Variants in HEMK2 observed in about 807,000 individuals in gnomAD.
HEMK2 encodes HemK methyltransferase 2, ETF1 glutamine and histone H4 lysine.
At chr21:28,592,352 T>G in the HEMK2 span, among the ~76,000 whole-genome samples, 7 of 152,212 alleles carry the variant, frequency 4.6e-5, no homozygotes, top group Non-Finnish European at 1.0e-4. Flanking sequence ...GTGCAGTCAT[T>G]GACCAATGGA....
chr21:28,830,493 C>G, the HEMK2 span, among the ~76,000 whole-genome samples: 1 of 152,146 alleles, frequency 6.6e-6, no homozygotes, highest in African/African-American at 2.4e-5. Context: ...AAACCTCTTT[C>G]TTCATAAATT....
chr21:28,585,539 A>T, the HEMK2 span, among the ~76,000 whole-genome samples: 1 of 152,010 alleles, frequency 6.6e-6, no homozygotes, highest in East Asian at 1.9e-4. Flanking sequence ...AAAAATGACA[A>T]GGCAGACTTT....
At chr21:28,796,274 G>C in the HEMK2 span, among the ~76,000 whole-genome samples, 1 of 152,166 alleles carries the variant, frequency 6.6e-6, no homozygotes, top group East Asian at 1.9e-4. Context: ...GAGTAGCTGG[G>C]ATTTATAGGT....
At chr21:28,848,716 T>C in the HEMK2 span, among the ~76,000 whole-genome samples, 1 of 152,264 alleles carries the variant, frequency 6.6e-6, no homozygotes, top group African/African-American at 2.4e-5. Flanking sequence ...TATAACAGAT[T>C]ATGTTTATAA....
the HEMK2 span, among the ~76,000 whole-genome samples, chr21:28,772,785 T>C: frequency 6.6e-6 from 1 of 152,156 alleles, no homozygotes; most frequent in South Asian, 2.1e-4. Context: ...CTCCCAACCA[T>C]ATTGCTTCTG....
chr21:28,762,658 T>C, the HEMK2 span, among the ~76,000 whole-genome samples: 2 of 152,160 alleles, frequency 1.3e-5, no homozygotes, highest in African/African-American at 4.8e-5. Context: ...ATAATGTTGC[T>C]ATCACTGCAG....
the HEMK2 span, among the ~76,000 whole-genome samples, chr21:28,676,434 T>C: frequency 6.6e-6 from 1 of 152,180 alleles, no homozygotes; most frequent in Non-Finnish European, 1.5e-5. Context: ...CTTTCTGAGG[T>C]ACCAGGGGGT....
chr21:28,714,604 G>C, the HEMK2 span, among the ~76,000 whole-genome samples: 1 of 152,204 alleles, frequency 6.6e-6, no homozygotes, highest in Non-Finnish European at 1.5e-5. Flanking sequence ...CTGTGACAAA[G>C]AGTTGACTAA....
chr21:28,718,779 A>G, the HEMK2 span, among the ~76,000 whole-genome samples: 1 of 152,208 alleles, frequency 6.6e-6, no homozygotes, highest in African/African-American at 2.4e-5. Flanking sequence ...TGTTTCAAAC[A>G]AAGAAAATTG....
the HEMK2 span, among the ~76,000 whole-genome samples, chr21:28,783,749 T>A: frequency 6.6e-6 from 1 of 151,412 alleles, no homozygotes. Flanking sequence ...TGTGGGGAGG[T>A]GTAGAGGGAG....
At chr21:28,774,598 G>GA in the HEMK2 span, among the ~76,000 whole-genome samples, 1 of 150,534 alleles carries the variant, frequency 6.6e-6, no homozygotes, top group South Asian at 2.1e-4. Flanking sequence ...TAAAAAAAAA[G>GA]AAAAAAGAAA....
chr21:28,759,780 G>C, the HEMK2 span, among the ~76,000 whole-genome samples: 2 of 152,092 alleles, frequency 1.3e-5, no homozygotes, highest in East Asian at 1.9e-4. Context: ...ATTCTCTCTT[G>C]TCTGCCACCA....
At chr21:28,782,231 C>T in the HEMK2 span, among the ~76,000 whole-genome samples, 1 of 152,130 alleles carries the variant, frequency 6.6e-6, no homozygotes, top group Non-Finnish European at 1.5e-5. Context: ...TTAGTTGACA[C>T]ATACAGAACA....
At chr21:28,745,902 T>C in the HEMK2 span, among the ~76,000 whole-genome samples, 10 of 152,202 alleles carry the variant, frequency 6.6e-5, no homozygotes, top group African/African-American at 2.4e-4. Flanking sequence ...ACGATTTCAG[T>C]AACCGCAGAT....
the HEMK2 span, among the ~76,000 whole-genome samples, chr21:28,757,084 C>T: frequency 6.6e-6 from 1 of 152,120 alleles, no homozygotes; most frequent in East Asian, 1.9e-4. Flanking sequence ...CAGCAAATGT[C>T]TATTAAATAT....
At chr21:28,739,025 G>GA in the HEMK2 span, among the ~76,000 whole-genome samples, 4 of 152,176 alleles carry the variant, frequency 2.6e-5, no homozygotes, top group East Asian at 3.9e-4. Context: ...AAACCACAGT[G>GA]AAAAAAATAT....
At chr21:28,591,255 A>C in the HEMK2 span, among the ~76,000 whole-genome samples, 7 of 152,356 alleles carry the variant, frequency 4.6e-5, no homozygotes, top group East Asian at 1.9e-4. Context: ...GGCTAACAGC[A>C]GTGAACAGAC....
chr21:28,878,135 T>C, the HEMK2 span: 1 of 1,420,440 alleles, frequency 7.0e-7, no homozygotes, highest in Non-Finnish European at 9.5e-7. Flanking sequence ...CATTTTACAT[T>C]ATTAACTTTT....
chr21:28,578,347 T>C, the HEMK2 span, among the ~76,000 whole-genome samples: 1 of 152,198 alleles, frequency 6.6e-6, no homozygotes, highest in African/African-American at 2.4e-5. Context: ...CATAACAAGG[T>C]TGTAATCACC....
Sources: allele counts gnomAD v4.1 joint callset (sites outside exome capture counted in the v4.1 genomes callset), GRCh38; gene constraint gnomAD v4.1.1; transcripts MANE v1.5; gene names NCBI Gene and HGNC (gene_info 2026-07-23, HGNC 2026-07-21).